SCHIP1: variants seen among roughly 807,000 people sequenced by gnomAD.
SCHIP1 encodes schwannomin-interacting protein 1.
SCHIP1 carries 8 observed loss-of-function variants against 29.7 expected under a neutral mutation model. The ratio of observed to expected loss-of-function variants is 0.27; its 90% confidence interval spans 0.16 to 0.49. The LOEUF is 0.49. Among genes scored for constraint, SCHIP1 ranks in the 20% least tolerant of loss-of-function variants. The pLI, the probability that SCHIP1 is intolerant of heterozygous loss-of-function variation, is 0.99. For missense variants in SCHIP1, 193 were observed against 294.6 expected, an observed-to-expected ratio of 0.66 and a Z score of 2.52; for synonymous variants, 76 against 94.9, an observed-to-expected ratio of 0.80 and a Z score of 1.16.
the SCHIP1 span, among the ~76,000 whole-genome samples, chr3:159,509,874 G>A: frequency 2.0e-5 from 3 of 152,136 alleles, no homozygotes; most frequent in Non-Finnish European, 2.9e-5. Context: ...TGGGTAACCC[G>A]ACCTTTCTCT....
chr3:159,502,164 T>A, the SCHIP1 span, among the ~76,000 whole-genome samples: 1 of 152,218 alleles, frequency 6.6e-6, no homozygotes, highest in East Asian at 1.9e-4. Context: ...TAACCAACTA[T>A]AAACCTGGTC....
At chr3:159,392,641 C>CTCA in the SCHIP1 span, among the ~76,000 whole-genome samples, 1 of 151,928 alleles carries the variant, frequency 6.6e-6, no homozygotes, top group Non-Finnish European at 1.5e-5. Flanking sequence ...AGGACATGAA[C>CTCA]TCATCATTTT....
At chr3:159,710,252 T>C in the SCHIP1 span, among the ~76,000 whole-genome samples, 1 of 152,044 alleles carries the variant, frequency 6.6e-6, no homozygotes, top group Admixed American at 6.6e-5. Context: ...TGAAATAACA[T>C]GCAGCCTTAA....
the SCHIP1 span, among the ~76,000 whole-genome samples, chr3:159,333,931 C>G: frequency 1.3e-5 from 2 of 151,988 alleles, no homozygotes; most frequent in Non-Finnish European, 2.9e-5. Flanking sequence ...ATTCTAAGTT[C>G]TAAGAATGAA....
chr3:159,343,575 G>A, the SCHIP1 span, among the ~76,000 whole-genome samples: 1 of 152,174 alleles, frequency 6.6e-6, no homozygotes, highest in African/African-American at 2.4e-5. Context: ...AGGGCAAGCA[G>A]ACAATCCAAA....
the SCHIP1 span, among the ~76,000 whole-genome samples, chr3:159,659,576 G>A: frequency 1.2e-4 from 19 of 152,310 alleles, no homozygotes; most frequent in Middle Eastern, 3.4e-3. Flanking sequence ...GATTGCTTAC[G>A]ACAGCTCCCT....
the SCHIP1 span, among the ~76,000 whole-genome samples, chr3:159,737,900 G>A: frequency 6.6e-6 from 1 of 152,084 alleles, no homozygotes; most frequent in Non-Finnish European, 1.5e-5. Context: ...GAGCGGCAAT[G>A]GGTATGTGTT....
chr3:159,892,235 G>A lies in SCHIP1; in HGVS notation c.683+45G>A, dbSNP rs763931235. On this transcript the variant is annotated intron_variant, in intron 6 of 6. Transcript: ENST00000445224. ...TGCCAAAGAAGAAAAGCCCAGGGTG[G>A]TCTGAAATCTAAGAATTAGGCAAAA... 3.1e-6 allele frequency: 5 copies of A among 1,609,458 alleles called. No homozygotes were observed. The Admixed American group carries it at 8.4e-5, about 27-fold the overall frequency.
the SCHIP1 span, among the ~76,000 whole-genome samples, chr3:159,362,270 T>C: frequency 6.6e-6 from 1 of 152,170 alleles, no homozygotes; most frequent in Admixed American, 6.5e-5. Flanking sequence ...GGTAAGGACT[T>C]ACTGGATTTA....
At chr3:159,326,172 A>C in the SCHIP1 span, among the ~76,000 whole-genome samples, 1 of 152,266 alleles carries the variant, frequency 6.6e-6, no homozygotes, top group Non-Finnish European at 1.5e-5. Context: ...TAAAATCCAC[A>C]GACTGGTTCT....
chr3:159,848,428 A>G (rs1407433675), intron 1 of SCHIP1, among the ~76,000 whole-genome samples: 1 of 152,194 alleles, frequency 6.6e-6, no homozygotes, highest in Non-Finnish European at 1.5e-5. Context: ...CATTACATTC[A>G]GCTCAAGTCT....
chr3:159,557,371 CTA>C, the SCHIP1 span, among the ~76,000 whole-genome samples: 1 of 152,152 alleles, frequency 6.6e-6, no homozygotes. Flanking sequence ...TTGACTCCTA[CTA>C]TGTCTTTTCA....
the SCHIP1 span, among the ~76,000 whole-genome samples, chr3:159,394,325 G>A: frequency 6.6e-6 from 1 of 151,870 alleles, no homozygotes; most frequent in Non-Finnish European, 1.5e-5. Flanking sequence ...CTGCCTAATT[G>A]CTCTGGCCAG....
the SCHIP1 span, among the ~76,000 whole-genome samples, chr3:159,380,706 A>T: frequency 6.6e-6 from 1 of 152,162 alleles, no homozygotes; most frequent in Non-Finnish European, 1.5e-5. Flanking sequence ...TCCAAACAAG[A>T]TGGAAATTAT....
At chr3:159,427,085 A>G in the SCHIP1 span, among the ~76,000 whole-genome samples, 1 of 152,286 alleles carries the variant, frequency 6.6e-6, no homozygotes, top group Non-Finnish European at 1.5e-5. Context: ...ATCATACTGA[A>G]TGGGCAAAAA....
At chr3:159,558,588 G>T in the SCHIP1 span, among the ~76,000 whole-genome samples, 1 of 152,160 alleles carries the variant, frequency 6.6e-6, no homozygotes, top group Non-Finnish European at 1.5e-5. Context: ...TGGAGGAAAA[G>T]TGCCAAGAAG....
chr3:159,705,468 T>C, the SCHIP1 span, among the ~76,000 whole-genome samples: 1 of 151,388 alleles, frequency 6.6e-6, no homozygotes, highest in Admixed American at 6.6e-5. Context: ...AACATAGAAA[T>C]AGAAAGAGAT....
chr3:159,848,216 T>G (rs1560080589), intron 1 of SCHIP1, among the ~76,000 whole-genome samples: 1 of 151,568 alleles, frequency 6.6e-6, no homozygotes, highest in Non-Finnish European at 1.5e-5. Context: ...GAGCAGGGAG[T>G]GGGAAGAGGC....
chr3:159,676,245 C>T, the SCHIP1 span, among the ~76,000 whole-genome samples: 8 of 152,158 alleles, frequency 5.3e-5, no homozygotes, highest in Non-Finnish European at 1.2e-4. Flanking sequence ...CCTAAGGAAA[C>T]AGATGGTAGG....
Sources: gnomAD v4.1 joint callset for allele counts (sites outside exome capture counted in the v4.1 genomes callset) on GRCh38, gnomAD v4.1.1 for gene constraint, MANE v1.5 for transcripts, NCBI Gene and HGNC (gene_info 2026-07-23, HGNC 2026-07-21) for gene names.